SLC34A3: variants seen among roughly 807,000 people sequenced by gnomAD.
The protein encoded by SLC34A3 is sodium-dependent phosphate transport protein 2C.
SLC34A3 carries 60 observed loss-of-function variants against 43.9 expected under a neutral mutation model. The observed-to-expected ratio is 1.37, with a 90% confidence interval of 1.11 to 1.70. The LOEUF (loss-of-function observed/expected upper bound fraction) is 1.70. Among genes scored for constraint, SLC34A3 ranks in the 40% most tolerant of loss-of-function variants. The probability of loss-of-function intolerance (pLI) is 0.00; values close to 1 mark genes in which losing one functional copy is unlikely to be tolerated. For synonymous variants in SLC34A3, 451 were observed against 386.2 expected, an observed-to-expected ratio of 1.17 and a Z score of -1.97; for missense variants, 969 against 823.8, an observed-to-expected ratio of 1.18 and a Z score of -2.16.
chr9:137,234,112 GCCA>G lies in SLC34A3; in HGVS notation c.932_934del (p.His311del). 7.2e-7 allele frequency: 1 copy of G among 1,383,520 alleles called. No homozygotes were observed. The highest frequency in any genetic ancestry group is 9.5e-7 in the Non-Finnish European group (1 of 1,050,778). The allele number at this position is 1,383,520 out of a possible 1,614,324, so 85.7% of individuals were successfully genotyped here. A position where few individuals can be genotyped will look rare whatever the true frequency, so the allele number is the denominator to read the frequency against. The stretch of plus-strand genomic sequence containing the variant: ...CCTGCCCCTGCCCTGCCCCCAGGCC[GCCA>G]CCTGTTTGCGGGCACGGAGCTCACG... On this transcript the variant is annotated inframe_deletion, in exon 10 of 13. Transcript: ENST00000673835. The surrounding 1 kb of genome is among the most constrained non-coding windows in gnomAD (Gnocchi z 6.9).
At position 137,232,656 on chromosome 9, in the gene SLC34A3, T is replaced by C; in HGVS notation, c.257T>C (p.Phe86Ser). ...GGGCTCCTCGGCAGCCTGTACTTCT[T>C]CATCTGCTCTCTGGACGTCCTCAGC... The part of the protein sequence containing the change: ...ACGLLGSLYF[F>S]ICSLDVLSSA... The change falls in exon 4 of 13, where the codon TTC becomes TCC. Residue 86 changes from phenylalanine (F) to serine (S), a missense_variant. Phe to Ser is a radical substitution (Grantham distance 155). Transcript: ENST00000673835. 1 of 1,612,810 alleles carries C rather than the reference T, an allele frequency of 6.2e-7. No individual in the cohort carries two copies. Among genetic ancestry groups the C allele is most frequent in the Non-Finnish European group, 8.5e-7 (1 of 1,179,934 alleles).
Position 137,232,073 on chromosome 9 carries a change from G to C in SLC34A3, c.87G>C (p.Gly29=). Residue 29 remains glycine (G), a splice_region_variant and synonymous_variant, in exon 3 of 13, where the codon GGG becomes GGC. Transcript: ENST00000673835. ...CCGTACTCAATTCTACCTCCACAGGGACCTCCAGTTCTGCTCCAGTCTTGG... is the reference window on the plus strand; with the variant it reads ...CCGTACTCAATTCTACCTCCACAGGCACCTCCAGTTCTGCTCCAGTCTTGG... ...DLVEKTLRNE[G]TSSSAPVLEE... The C allele has an allele frequency of 6.2e-7, 1 of 1,612,846 alleles. No individual in the cohort carries two copies. The highest frequency in any genetic ancestry group is 8.5e-7 in the Non-Finnish European group (1 of 1,179,670).
At position 137,233,886 on chromosome 9, in the gene SLC34A3, C is replaced by A. The variant is rs747540875; in HGVS notation, c.870C>A (p.Gly290=). ...AGACCCAGGAGAACAGCAGCTGTGG[C>A]GCCTTCGGCCCGTGCACAGAGAAGA... ...GQPTQENSSC[G]AFGPCTEKNS... is the part of the protein sequence containing the mutation. Residue 290 remains glycine, a synonymous_variant, in exon 9 of 13, where the codon GGC becomes GGA. Transcript: ENST00000673835. The A allele has an allele frequency of 8.1e-6, 13 of 1,606,332 alleles. No individual in the cohort carries two copies. In the Admixed American group the frequency reaches 2.2e-4, roughly 27 times the overall value.
In SLC34A3 at chr9:137,234,936, C is replaced by T. The variant is rs909198726; in HGVS notation, c.1335+205C>T. Among the ~76,000 whole-genome samples the T allele has an allele frequency of 6.6e-6, 1 of 152,132 alleles. No individual in the cohort carries two copies. Among genetic ancestry groups the T allele is most frequent in the Non-Finnish European group, 1.5e-5 (1 of 68,010 alleles). On this transcript the variant is annotated intron_variant, in intron 12 of 12. Coordinates refer to ENST00000673835, the MANE Select transcript of SLC34A3 (RefSeq NM_001177316.2). The surrounding 1 kb of genome is among the most constrained non-coding windows in gnomAD (Gnocchi z 6.9). ...ACATTTCACACCCTCCCTGCGTCTC[C>T]TCCCTTGAGACCTCCTCACTTCCAC...
chr9:137,233,622 C>T lies in SLC34A3; in HGVS notation c.757-11C>T, dbSNP rs1256424563. ...GGTGCAGCACACCGTCACGACCCCT[C>T]TGGCCCCCAGTTGGACTCCGACATG... On this transcript the variant is annotated splice_polypyrimidine_tract_variant and intron_variant, in intron 7 of 12. Coordinates refer to ENST00000673835, the MANE Select transcript of SLC34A3 (RefSeq NM_001177316.2). 3.1e-6 allele frequency: 5 copies of T among 1,611,986 alleles called. No individual in the cohort carries two copies. The Admixed American group carries it at 8.3e-5, about 27-fold the overall frequency.
At position 137,234,822 on chromosome 9, in the gene SLC34A3, T is replaced by C; in HGVS notation, c.1335+91T>C. 6.3e-7 allele frequency: 1 copy of C among 1,578,208 alleles called. No homozygotes were observed. The highest frequency in any genetic ancestry group is 1.1e-5 in the South Asian group (1 of 89,718). On this transcript the variant is annotated intron_variant, in intron 12 of 12. Coordinates refer to ENST00000673835, the MANE Select transcript of SLC34A3 (RefSeq NM_001177316.2). This position sits in a 1 kb window ranked among gnomAD's most constrained non-coding sequence, Gnocchi z 6.9. The stretch of plus-strand genomic sequence containing the variant: ...TGTCACCAGCCCCGGGGCCCTAGGC[T>C]GGCTGTGCCCCCGCCTTCCTGGACC...
intron 3 of SLC34A3, 25 bp downstream of exon 3, chr9:137,232,186 G>T: frequency 6.3e-7 from 1 of 1,598,758 alleles, no homozygotes; most frequent in Non-Finnish European, 8.6e-7. Flanking sequence ...TCCGGGGGTG[G>T]CAGGCTGGCA....
intron 1 of SLC34A3, 65 bp from the exon 2 acceptor site, chr9:137,231,599 C>T: frequency 9.6e-7 from 1 of 1,038,312 alleles, no homozygotes; most frequent in Non-Finnish European, 1.5e-6. Flanking sequence ...GGGTGTGAAT[C>T]CAGCTTGTGA....
intron 1 of SLC34A3, among the ~76,000 whole-genome samples, chr9:137,231,289 G>A (rs935766892): frequency 4.6e-5 from 7 of 152,170 alleles, no homozygotes; most frequent in Admixed American, 2.0e-4. Context: ...AGTATCAAAT[G>A]CCAAAGTCTA....
rs1836336647 is a variant in SLC34A3 at position 137,233,043 on chromosome 9, T to G, written c.488T>G (p.Val163Gly). The change falls in exon 6 of 13, where the codon GTC becomes GGC. Residue 163 changes from valine to glycine, a missense_variant. Transcript: ENST00000673835. ...GTGTCTGTGCCCATCATCATGGGTG[T>G]CAACGTAGGCACATCCATCACCAGC... ...VRVSVPIIMG[V>G]NVGTSITSTL... 6.2e-7 allele frequency: 1 copy of G among 1,611,822 alleles called. No individual in the cohort carries two copies. The highest frequency in any genetic ancestry group is 1.1e-5 in the South Asian group (1 of 91,024).
chr9:137,236,199 T>A lies in SLC34A3; in HGVS notation c.1583T>A (p.Val528Asp), dbSNP rs1197874483. The change falls in exon 13 of 13, where the codon GTC becomes GAC. Residue 528 changes from valine to aspartate, a missense_variant. By Grantham distance (152) the Val-to-Asp change is radical. Coordinates refer to ENST00000673835, the MANE Select transcript of SLC34A3 (RefSeq NM_001177316.2). ...CCCCTGGTGGGGCTGGTGCTCCTCG[T>A]CATCCTGGTTACTGTCCTGCAGCGG... is the stretch of plus-strand genomic sequence containing the variant. ...GGPLVGLVLL[V>D]ILVTVLQRRR... The A allele has an allele frequency of 6.3e-7, 1 of 1,596,898 alleles. No homozygotes were observed. The highest frequency in any genetic ancestry group is 1.7e-5 in the Admixed American group (1 of 58,242).
chr9:137,230,468 C>A (rs1004005263), upstream of SLC34A3, among the ~76,000 whole-genome samples: 1 of 152,232 alleles, frequency 6.6e-6, no homozygotes, highest in African/African-American at 2.4e-5. Context: ...CCCTGCTCTG[C>A]CGAGGGCAGG....
At position 137,231,728 on chromosome 9, in the gene SLC34A3, A is replaced by T; in HGVS notation, c.26A>T (p.Gln9Leu). 6.2e-7 allele frequency: 1 copy of T among 1,612,940 alleles called. No homozygotes were observed. Among genetic ancestry groups the T allele is most frequent in the Non-Finnish European group, 8.5e-7 (1 of 1,179,906 alleles). Residue 9 changes from glutamine to leucine, a missense_variant, in exon 2 of 13, where the codon CAG becomes CTG. Coordinates refer to ENST00000673835, the MANE Select transcript of SLC34A3 (RefSeq NM_001177316.2). ...ATGCCGAGTTCCCTTCCCGGCAGCC[A>T]GGTCCCCCACCCCACTCTGGACGCG... MPSSLPGS[Q>L]VPHPTLDAVD...
Position 137,232,895 on chromosome 9 carries a change from C to T in SLC34A3, c.416C>T (p.Ser139Phe), listed in dbSNP as rs754552610. The T allele has an allele frequency of 1.2e-6, 2 of 1,609,994 alleles. No homozygotes were observed. Among genetic ancestry groups the T allele is most frequent in the Non-Finnish European group, 1.7e-6 (2 of 1,178,640 alleles). Residue 139 changes from serine (S) to phenylalanine (F), a missense_variant, in exon 5 of 13, where the codon TCC (serine) becomes TTC (phenylalanine). Coordinates refer to ENST00000673835, the MANE Select transcript of SLC34A3 (RefSeq NM_001177316.2). ...CTGGTGCAGAGTTCCAGCACGTCCT[C>T]CTCCATCGTGGTCAGCATGGTGGCT... ...TALVQSSSTSSSIVVSMVAAK... is the reference protein window; with the variant it reads ...TALVQSSSTSFSIVVSMVAAK...
Position 137,231,604 on chromosome 9 carries a change from T to C in SLC34A3, c.-39-60T>C, listed in dbSNP as rs1836216517. 5 of 1,081,158 alleles carry C rather than the reference T, an allele frequency of 4.6e-6. No homozygotes were observed. In the Admixed American group the frequency reaches 8.4e-5, roughly 18 times the overall value. The allele number at this position is 1,081,158 out of a possible 1,614,324, so 67.0% of individuals were successfully genotyped here. Reference sequence around the variant, plus strand: ...GGGGACCCAGGGGTGTGAATCCAGCTTGTGAGGACAGGGCCGGGGCAGGAG... The same window carrying C: ...GGGGACCCAGGGGTGTGAATCCAGCCTGTGAGGACAGGGCCGGGGCAGGAG... On this transcript the variant is annotated intron_variant, in intron 1 of 12. Coordinates refer to ENST00000673835, the MANE Select transcript of SLC34A3 (RefSeq NM_001177316.2).
rs149891463 is a variant in SLC34A3, at chr9:137,235,893, G to T, written c.1336-59G>T. 1.8e-5 allele frequency: 28 copies of T among 1,547,092 alleles called. 1 individual carries two copies. The South Asian group carries it at 2.7e-4, about 15-fold the overall frequency. ...TAGGGTGGAGGAGGGCAGGGGTCCG[G>T]GGCCCCTGGTGACCCCACCTCGTTG... is the stretch of plus-strand genomic sequence containing the variant. On this transcript the variant is annotated intron_variant, in intron 12 of 12. Coordinates refer to ENST00000673835, the MANE Select transcript of SLC34A3 (RefSeq NM_001177316.2).
chr9:137,234,036 C>T lies in SLC34A3; in HGVS notation c.926-73C>T. 1 of 1,510,810 alleles carries T rather than the reference C, an allele frequency of 6.6e-7. No individual in the cohort carries two copies. Among genetic ancestry groups the T allele is most frequent in the Non-Finnish European group, 8.9e-7 (1 of 1,125,504 alleles). 93.6% of individuals were successfully genotyped at this position (1,510,810 alleles called of 1,614,324 possible). A position where few individuals can be genotyped will look rare whatever the true frequency, so the allele number is the denominator to read the frequency against. On this transcript the variant is annotated intron_variant, in intron 9 of 12. Transcript: ENST00000673835. This position sits in a 1 kb window ranked among gnomAD's most constrained non-coding sequence, Gnocchi z 6.9. ...GAACAGCACAGCCCCGGCGGACAGG[C>T]TGCCCTGTGAGGCCCGGCCCACCCC...
Position 137,232,593 on chromosome 9 carries a change from GGCTGCGCCGCGTGGCCGGCA to G in SLC34A3, c.197_216del (p.Leu66ArgfsTer77), listed in dbSNP as rs1836288042. On this transcript the variant is annotated frameshift_variant, in exon 4 of 13. Transcript: ENST00000673835. LOFTEE classifies it high-confidence loss of function. Reference sequence around the variant, plus strand: ...TCCTCAGAGCTCCGCGTGGCCGGCAGGCTGCGCCGCGTGGCCGGCAGCGTCCTCAAGGCCTGCGGGCTCCT... The same window carrying G: ...TCCTCAGAGCTCCGCGTGGCCGGCAGGCGTCCTCAAGGCCTGCGGGCTCCT... 1 of 1,609,072 alleles carries G rather than the reference GGCTGCGCCGCGTGGCCGGCA, an allele frequency of 6.2e-7. No individual in the cohort carries two copies. Among genetic ancestry groups the G allele is most frequent in the Non-Finnish European group, 8.5e-7 (1 of 1,178,318 alleles).
chr9:137,233,779 T>TTGGGGCGCCCCCCCCCCCCCCCCCCCACC, intron 8 of SLC34A3, 57 bp downstream of exon 8: 1 of 1,445,826 alleles, frequency 6.9e-7, no homozygotes, highest in Non-Finnish European at 9.6e-7. Flanking sequence ...TGCTGAGTCA[T>TTGGGGCGCCCCCCCCCCCCCCCCCCCACC]CCCGCCCCAC....
Sources: allele counts gnomAD v4.1 joint callset (sites outside exome capture counted in the v4.1 genomes callset), GRCh38; gene constraint gnomAD v4.1.1; non-coding constraint Gnocchi (gnomAD v3.1); transcripts MANE v1.5; gene names NCBI Gene and HGNC (gene_info 2026-07-23, HGNC 2026-07-21).